Variants in CSF2RB observed in about 807,000 individuals in gnomAD.
CSF2RB encodes colony stimulating factor 2 receptor subunit beta, also known as cytokine receptor common subunit beta.
CSF2RB carries 22 observed loss-of-function variants against 67.2 expected under a neutral mutation model. That is an observed-to-expected ratio of 0.33 (90% CI 0.23 to 0.47). The LOEUF (loss-of-function observed/expected upper bound fraction) is 0.47. CSF2RB is among the 20% of genes least tolerant of loss of function. CSF2RB has a pLI of 1.00. For synonymous variants in CSF2RB, 507 were observed against 482.9 expected (o/e 1.05, Z -0.65); for missense variants, 1,113 against 1,174.5 (o/e 0.95, Z 0.76).
chr22:36,938,776 A>G lies in CSF2RB; in HGVS notation c.*274A>G. 1 of 555,152 alleles carries G rather than the reference A, an allele frequency of 1.8e-6. No homozygotes were observed. The highest frequency in any genetic ancestry group is 3.2e-6 in the Non-Finnish European group (1 of 314,932). 34.4% of individuals were successfully genotyped at this position (555,152 alleles called of 1,614,324 possible). A position where few individuals can be genotyped will look rare whatever the true frequency, so the allele number is the denominator to read the frequency against. ...GTTCTGCATTATTAGAACTTTCTAG[A>G]TATACTCATTCCATCTCCCCCTCAT... On this transcript the variant is annotated 3_prime_UTR_variant, in exon 14 of 14. Transcript: ENST00000403662.
In CSF2RB at chr22:36,933,966, T is replaced by A; in HGVS notation, c.1287T>A (p.Ser429Arg). The change falls in exon 10 of 14, where the codon AGT becomes AGA. Residue 429 changes from serine (S) to arginine (R), a missense_variant. Around this residue, in one of 2 missense-constraint regions of CSF2RB, gnomAD observed 559 missense variants for 656.5 expected, o/e 0.85. Coordinates refer to ENST00000403662, the MANE Select transcript of CSF2RB (RefSeq NM_000395.3). ...ACAACGGGATCTGGAGCGAGTGGAG[T>A]GAGGCGCGCTCCTGGGACACCGAGT... ...TGYNGIWSEW[S>R]EARSWDTESV... 1 of 1,612,362 alleles carries A rather than the reference T, an allele frequency of 6.2e-7. No individual in the cohort carries two copies. Among genetic ancestry groups the A allele is most frequent in the Non-Finnish European group, 8.5e-7 (1 of 1,179,870 alleles).
chr22:36,923,101 G>A (rs1940918125), intron 2 of CSF2RB, 143 bp from the exon 3 acceptor site: 3 of 1,209,692 alleles, frequency 2.5e-6, no homozygotes, highest in African/African-American at 3.0e-5. Context: ...ATGAACACAT[G>A]TACATGTGCC....
In CSF2RB at chr22:36,938,323, CCTT is replaced by C. The variant is rs768163350; in HGVS notation, c.2520_2522del (p.Ser841del). ...CGGCCCTCTCTCGCTCCGGAGTAAA[CCTT>C]CTTCCCCGGGACCCGGTCCTGAGAT... On this transcript the variant is annotated inframe_deletion, in exon 14 of 14. Coordinates refer to ENST00000403662, the MANE Select transcript of CSF2RB (RefSeq NM_000395.3). The C allele has an allele frequency of 8.7e-6, 14 of 1,614,078 alleles. No individual in the cohort carries two copies. The South Asian group carries it at 1.5e-4, about 18-fold the overall frequency.
chr22:36,926,454 A>G (rs1005809952), intron 4 of CSF2RB, among the ~76,000 whole-genome samples: 2 of 152,224 alleles, frequency 1.3e-5, no homozygotes, highest in Admixed American at 6.5e-5. Context: ...CTCACCACTC[A>G]CTTAGAAACC....
chr22:36,938,805 T>C lies in CSF2RB; in HGVS notation c.*303T>C. 1.8e-6 allele frequency: 1 copy of C among 546,656 alleles called. No individual in the cohort carries two copies. The highest frequency in any genetic ancestry group is 2.9e-5 in the South Asian group (1 of 34,836). 33.9% of individuals were successfully genotyped at this position (546,656 alleles called of 1,614,324 possible). ...ACTCATTCCATCTCCCCCTCATTTT[T>C]TTAATCAGGTTTCCTTGCTTTTGCC... On this transcript the variant is annotated 3_prime_UTR_variant, in exon 14 of 14. Transcript: ENST00000403662.
intron 1 of CSF2RB, among the ~76,000 whole-genome samples, chr22:36,918,125 TGTAA>T (rs985888471): frequency 6.6e-6 from 1 of 152,216 alleles, no homozygotes; most frequent in African/African-American, 2.4e-5. Context: ...TTAACTTATC[TGTAA>T]GTGTTACAGG....
intron 2 of CSF2RB, chr22:36,922,566 G>A (rs147272551): frequency 6.2e-4 from 349 of 560,314 alleles, no homozygotes; most frequent in African/African-American, 5.2e-3. Flanking sequence ...TGCTCTGGCC[G>A]TTTCCCTGCC....
rs131840 is a variant in CSF2RB at position 36,937,752 on chromosome 22, A to G, written c.1944A>G (p.Pro648=). The change falls in exon 14 of 14, where the codon CCA becomes CCG. Residue 648 remains proline (P), a synonymous_variant. Transcript: ENST00000403662. This position sits in a 1 kb window ranked among gnomAD's most constrained non-coding sequence, Gnocchi z 4.6. ...TCCCTCTGGCCCAGGCGATGGGACC[A>G]GGACAGGCCGTGGAAGTGGAGAGAA... is the stretch of plus-strand genomic sequence containing the variant. ...QLVPLAQAMG[P]GQAVEVERRP... The G allele has an allele frequency of 0.81, 1,277,551 of 1,569,224 alleles. 522,375 individuals carry two copies. The highest frequency in any genetic ancestry group is 0.94 in the East Asian group (40,226 of 42,592).
intron 10 of CSF2RB, among the ~76,000 whole-genome samples, 189 bp from the exon 11 acceptor site, chr22:36,935,162 G>A (rs1941240096): frequency 1.3e-5 from 2 of 152,214 alleles, no homozygotes; most frequent in South Asian, 4.2e-4. Context: ...CACTGTGGGG[G>A]TTCAGACCAA....
At chr22:36,917,686 G>C (rs1940753960) in intron 1 of CSF2RB, among the ~76,000 whole-genome samples, 1 of 152,164 alleles carries the variant, frequency 6.6e-6, no homozygotes, top group Admixed American at 6.5e-5. Flanking sequence ...CACTTTGGGA[G>C]GCCAAGGTGG....
intron 4 of CSF2RB, among the ~76,000 whole-genome samples, chr22:36,928,070 G>A (rs1336719902): frequency 6.6e-6 from 1 of 152,140 alleles, no homozygotes; most frequent in Non-Finnish European, 1.5e-5. Context: ...TTGGCCTCCT[G>A]GAGCCTGTGT....
In CSF2RB at chr22:36,929,699, C is replaced by T. The variant is rs866537612; in HGVS notation, c.610C>T (p.Pro204Ser). Residue 204 changes from proline (P) to serine (S), a missense_variant, in exon 6 of 14, where the codon CCC (proline) becomes TCC (serine). Physicochemically the swap from Pro to Ser is moderately conservative, Grantham distance 74. Around this residue, in one of 2 missense-constraint regions of CSF2RB, gnomAD observed 559 missense variants for 656.5 expected, o/e 0.85. Transcript: ENST00000403662. ...QATLGPEHLM[P>S]SSTYVARVRT... is the part of the protein sequence containing the mutation. ...CACCCTGGGGCCAGAGCACCTCATG[C>T]CCAGCAGCACCTACGTGGCCCGAGT... 4.3e-6 allele frequency: 7 copies of T among 1,614,126 alleles called. No homozygotes were observed.
At chr22:36,930,167 C>T (rs1941117137) in intron 6 of CSF2RB, among the ~76,000 whole-genome samples, 1 of 152,170 alleles carries the variant, frequency 6.6e-6, no homozygotes, top group South Asian at 2.1e-4. Context: ...TTTCCATTCT[C>T]CCGGGAGGGC....
chr22:36,921,487 A>G (rs11705450), intron 1 of CSF2RB, among the ~76,000 whole-genome samples: 66,773 of 151,878 alleles, frequency 0.44, 16,642 homozygotes, highest in Admixed American at 0.58. Flanking sequence ...GTGTGTTTGC[A>G]TGGGCATCTT....
At chr22:36,921,941 G>A (rs1940881912) in intron 1 of CSF2RB, 95 bp from the exon 2 acceptor site, 1 of 574,446 alleles carries the variant, frequency 1.7e-6, no homozygotes, top group Non-Finnish European at 3.1e-6. Context: ...TCATGCATGA[G>A]GGCCACTTCT....
chr22:36,927,892 A>G (rs1448560680), intron 4 of CSF2RB, among the ~76,000 whole-genome samples: 1 of 152,222 alleles, frequency 6.6e-6, no homozygotes, highest in Non-Finnish European at 1.5e-5. Flanking sequence ...TAGTTCAGAT[A>G]TACACACAAT....
chr22:36,925,861 T>G, intron 3 of CSF2RB, 126 bp from the exon 4 acceptor site: 1 of 1,058,382 alleles, frequency 9.4e-7, no homozygotes, highest in Non-Finnish European at 1.4e-6. Flanking sequence ...GCAGGATTTT[T>G]GTGTGTTTTA....
rs566704130 is a variant in CSF2RB at position 36,921,830 on chromosome 22, C to A, written c.-172-206C>A. Among the ~76,000 whole-genome samples, 3 of 152,296 alleles carry A rather than the reference C, an allele frequency of 2.0e-5. No individual in the cohort carries two copies. In the South Asian group the frequency reaches 6.2e-4, roughly 32 times the overall value. On this transcript the variant is annotated intron_variant, in intron 1 of 13. Transcript: ENST00000403662. ...CTGTCTCAGCTGCTCTGCTGTCTAG[C>A]GCATTGTGCAGTGGTAGGTGTCAGT... is the stretch of plus-strand genomic sequence containing the variant.
intron 13 of CSF2RB, 30 bp downstream of exon 13, chr22:36,936,682 T>C: frequency 2.5e-6 from 4 of 1,577,956 alleles, no homozygotes; most frequent in Non-Finnish European, 2.6e-6. Context: ...ACTCCTGACC[T>C]TTGGGGTTCA....
Sources: allele counts gnomAD v4.1 joint callset (sites outside exome capture counted in the v4.1 genomes callset), GRCh38; gene constraint gnomAD v4.1.1; regional missense constraint gnomAD v4.1.1; non-coding constraint Gnocchi (gnomAD v3.1); transcripts MANE v1.5; gene names NCBI Gene and HGNC (gene_info 2026-07-23, HGNC 2026-07-21).